The following POFUT1 variants were observed in gnomAD, a reference collection of about 807,000 sequenced individuals.
POFUT1 encodes the protein protein O-fucosyltransferase 1.
POFUT1 carries 16 observed loss-of-function variants against 42.4 expected under a neutral mutation model. That is an observed-to-expected ratio of 0.38 (90% CI 0.26 to 0.57). POFUT1 has a LOEUF of 0.57. POFUT1 is among the 20% of genes least tolerant of loss of function. The probability of loss-of-function intolerance (pLI) is 0.71; values close to 1 mark genes in which losing one functional copy is unlikely to be tolerated. For synonymous variants in POFUT1, 206 were observed against 205.4 expected (o/e 1.00, Z -0.03); for missense variants, 470 against 504.6 (o/e 0.93, Z 0.66).
At chr20:32,212,249 C>T in intron 2 of POFUT1, among the ~76,000 whole-genome samples, 1 of 152,038 alleles carries the variant, frequency 6.6e-6, no homozygotes, top group Non-Finnish European at 1.5e-5. Flanking sequence ...ACTCAGACTC[C>T]TCCATAATTA....
intron 2 of POFUT1, among the ~76,000 whole-genome samples, chr20:32,213,718 C>A (rs1307655940): frequency 6.6e-6 from 1 of 152,048 alleles, no homozygotes; most frequent in Non-Finnish European, 1.5e-5. Flanking sequence ...TTGCAGTGAG[C>A]TGAGATCACG....
chr20:32,234,400 A>G, intron 6 of POFUT1, 73 bp from the exon 7 acceptor site: 1 of 1,319,918 alleles, frequency 7.6e-7, no homozygotes, highest in Non-Finnish European at 1.0e-6. Flanking sequence ...TCAGGGAATA[A>G]GGTTGGGGGT....
chr20:32,223,296 C>G (rs953231919), intron 4 of POFUT1: 6 of 985,296 alleles, frequency 6.1e-6, no homozygotes, highest in Non-Finnish European at 7.2e-6. Flanking sequence ...CTGTTCCCCC[C>G]TCATTCTTTC....
intron 3 of POFUT1, 63 bp downstream of exon 3, chr20:32,215,514 A>C (rs1361553285): frequency 3.0e-6 from 4 of 1,348,478 alleles, no homozygotes; most frequent in Middle Eastern, 2.8e-4. Context: ...CCCCAAGACT[A>C]TGTCATGGCA....
At chr20:32,224,391 C>CAA (rs1011025671) in intron 4 of POFUT1, among the ~76,000 whole-genome samples, 12 of 147,066 alleles carry the variant, frequency 8.2e-5, no homozygotes, top group African/African-American at 3.0e-4. Flanking sequence ...GACTCCATCT[C>CAA]AAAAAAAAAA....
intron 2 of POFUT1, among the ~76,000 whole-genome samples, chr20:32,210,421 A>C (rs541694914): frequency 6.6e-6 from 1 of 152,188 alleles, no homozygotes; most frequent in African/African-American, 2.4e-5. Context: ...CTTGCCTGTG[A>C]GGAAACCGGG....
At chr20:32,218,629 A>G (rs930254449) in intron 4 of POFUT1, among the ~76,000 whole-genome samples, 2 of 152,112 alleles carry the variant, frequency 1.3e-5, no homozygotes, top group East Asian at 1.9e-4. Context: ...CTCTGCCTGC[A>G]TGGTTCTCCC....
At chr20:32,228,220 C>G (rs763570736) in intron 4 of POFUT1, 43 bp from the exon 5 acceptor site, 5 of 1,551,300 alleles carry the variant, frequency 3.2e-6, no homozygotes, top group East Asian at 2.3e-5. Context: ...CAGCCAGGCT[C>G]TCTGTGCGTC....
rs988629188 is a variant in POFUT1 at position 32,235,912 on chromosome 20, C to G, written c.*1251C>G. ...ACTGAGCCAGGCCCAGAGCTCCTTG[C>G]AGTGCCTTCTTCCTTGTTTACCTGT... On this transcript the variant is annotated 3_prime_UTR_variant, in exon 7 of 7. Transcript: ENST00000375749. The G allele has an allele frequency of 6.6e-6, 1 of 152,304 alleles. No individual in the cohort carries two copies. Among genetic ancestry groups the G allele is most frequent in the Non-Finnish European group, 1.5e-5 (1 of 68,104 alleles). 9.4% of individuals were successfully genotyped at this position (152,304 alleles called of 1,614,324 possible). A position where few individuals can be genotyped will look rare whatever the true frequency, so the allele number is the denominator to read the frequency against.
At chr20:32,219,920 G>T (rs1195605456) in intron 4 of POFUT1, among the ~76,000 whole-genome samples, 2 of 152,176 alleles carry the variant, frequency 1.3e-5, no homozygotes, top group Admixed American at 6.5e-5. Flanking sequence ...TTAAATTCAG[G>T]TTAAACATCT....
intron 2 of POFUT1, among the ~76,000 whole-genome samples, chr20:32,213,119 C>T (rs1235876703): frequency 6.6e-6 from 1 of 151,986 alleles, no homozygotes; most frequent in Non-Finnish European, 1.5e-5. Flanking sequence ...CTCCTGACCT[C>T]AGGTGATCCA....
rs565882126 is a variant in POFUT1 at position 32,216,986 on chromosome 20, G to A, written c.542+265G>A. The A allele has an allele frequency of 2.0e-5, 32 of 1,612,320 alleles. No individual in the cohort carries two copies. The South Asian group carries it at 3.4e-4, about 17-fold the overall frequency. On this transcript the variant is annotated intron_variant, in intron 4 of 6. Coordinates refer to ENST00000375749, the MANE Select transcript of POFUT1 (RefSeq NM_015352.2). Reference sequence around the variant, plus strand: ...TAAAAAGAACATTCTGCAGTCGCATGAGTCTCAATTTCCTCCTCTAGGCGT... The same window carrying A: ...TAAAAAGAACATTCTGCAGTCGCATAAGTCTCAATTTCCTCCTCTAGGCGT...
rs373761607 is a variant in POFUT1, at chr20:32,227,472, A to T, written c.543-791A>T. Among the ~76,000 whole-genome samples, 26 of 152,366 alleles carry T rather than the reference A, an allele frequency of 1.7e-4. 1 individual carries two copies. In the East Asian group the frequency reaches 3.5e-3, roughly 20 times the overall value. ...TGGAGGCGGAGATTGCAGTGAGCCGAGATCACGCCACTGCCCTCCAGCCTG... is the reference window on the plus strand; with the variant it reads ...TGGAGGCGGAGATTGCAGTGAGCCGTGATCACGCCACTGCCCTCCAGCCTG... On this transcript the variant is annotated intron_variant, in intron 4 of 6. Transcript: ENST00000375749.
At chr20:32,211,670 C>T (rs961613999) in intron 2 of POFUT1, among the ~76,000 whole-genome samples, 1 of 152,196 alleles carries the variant, frequency 6.6e-6, no homozygotes, top group African/African-American at 2.4e-5. Flanking sequence ...TCCAAGTCCC[C>T]ACTTCCTTGC....
At chr20:32,224,654 G>A (rs1232742446) in intron 4 of POFUT1, among the ~76,000 whole-genome samples, 1 of 152,198 alleles carries the variant, frequency 6.6e-6, no homozygotes, top group Non-Finnish European at 1.5e-5. Context: ...TCCCTAAGGA[G>A]GTGAGGCTTG....
At chr20:32,214,120 TA>T (rs909948802) in intron 2 of POFUT1, among the ~76,000 whole-genome samples, 107 of 147,750 alleles carry the variant, frequency 7.2e-4, no homozygotes, top group Middle Eastern at 3.5e-3. Context: ...GAAGGTACAT[TA>T]AAAAAAAAAA....
At chr20:32,230,763 C>T (rs957736039) in intron 5 of POFUT1, 56 bp from the exon 6 acceptor site, 2 of 1,591,392 alleles carry the variant, frequency 1.3e-6, no homozygotes, top group Non-Finnish European at 1.7e-6. Flanking sequence ...CCAGGTCTTG[C>T]TTCTGGGGTT....
intron 4 of POFUT1, among the ~76,000 whole-genome samples, chr20:32,222,135 C>A: frequency 6.6e-6 from 1 of 151,732 alleles, no homozygotes; most frequent in Admixed American, 6.6e-5. Context: ...CTGTCTCTAC[C>A]AAAAATACCA....
rs2047303101 is a variant in POFUT1 at position 32,208,062 on chromosome 20, A to G, written c.121A>G (p.Met41Val). 1.9e-6 allele frequency: 3 copies of G among 1,553,766 alleles called. No individual in the cohort carries two copies. The highest frequency in any genetic ancestry group is 1.4e-5 in the African/African-American group (1 of 73,330). Residue 41 changes from methionine to valine, a missense_variant, in exon 1 of 7, where the codon ATG becomes GTG. Physicochemically the swap from Met to Val is conservative, Grantham distance 21. Coordinates refer to ENST00000375749, the MANE Select transcript of POFUT1 (RefSeq NM_015352.2). ...PAGYLLYCPC[M>V]GRFGNQADHF... is the part of the protein sequence containing the mutation. ...CGGTTACCTGCTCTACTGCCCCTGC[A>G]TGGGTAAGGCCTCCCAAGCCCTCTG...
Sources: gnomAD v4.1 joint callset for allele counts (sites outside exome capture counted in the v4.1 genomes callset) on GRCh38, gnomAD v4.1.1 for gene constraint, MANE v1.5 for transcripts, NCBI Gene and HGNC (gene_info 2026-07-23, HGNC 2026-07-21) for gene names.